QRICH1: variants seen among roughly 807,000 people sequenced by gnomAD.
The protein encoded by QRICH1 is glutamine rich 1.
Under a neutral mutation model 87.1 loss-of-function variants are expected in QRICH1, and 16 were observed. That is an observed-to-expected ratio of 0.18 (90% confidence interval 0.12 to 0.28). QRICH1 has a LOEUF of 0.28. QRICH1 is among the 10% of genes least tolerant of loss of function. The pLI, the probability that QRICH1 is intolerant of heterozygous loss-of-function variation, is 1.00. For synonymous variants in QRICH1, 367 were observed against 368.4 expected, an observed-to-expected ratio of 1.00 and a Z score of 0.05; for missense variants, 647 against 951.7, an observed-to-expected ratio of 0.68 and a Z score of 4.21.
chr3:49,038,375 T>C (rs2093288598), intron 6 of QRICH1, among the ~76,000 whole-genome samples: 1 of 151,956 alleles, frequency 6.6e-6, no homozygotes, highest in African/African-American at 2.4e-5. Flanking sequence ...AAAGGGTAGA[T>C]TTTAATTACA....
chr3:49,088,640 T>A (rs1193427902), intron 1 of QRICH1, among the ~76,000 whole-genome samples: 17 of 148,070 alleles, frequency 1.1e-4, no homozygotes, highest in South Asian at 2.2e-4. Flanking sequence ...TTTTTTTTTT[T>A]AATGAGACAA....
chr3:49,067,386 T>G (rs904528046), intron 2 of QRICH1, among the ~76,000 whole-genome samples: 5 of 149,300 alleles, frequency 3.3e-5, no homozygotes, highest in Non-Finnish European at 7.4e-5. Context: ...GCTAACATGG[T>G]GAAACCCCGT....
intron 1 of QRICH1, among the ~76,000 whole-genome samples, chr3:49,077,320 A>G (rs1163420154): frequency 6.6e-6 from 1 of 152,208 alleles, no homozygotes; most frequent in Non-Finnish European, 1.5e-5. Flanking sequence ...CCTACCCAGC[A>G]CTAGGTCAAT....
intron 2 of QRICH1, among the ~76,000 whole-genome samples, chr3:49,064,282 G>A (rs1336518089): frequency 7.8e-6 from 1 of 128,900 alleles, no homozygotes; most frequent in Non-Finnish European, 1.6e-5. Flanking sequence ...TCAGTCTATC[G>A]CCCAGGCTGG....
chr3:49,047,741 C>T (rs1178575924), intron 3 of QRICH1, among the ~76,000 whole-genome samples: 2 of 151,976 alleles, frequency 1.3e-5, no homozygotes, highest in South Asian at 2.1e-4. Context: ...CCTCAGTCTC[C>T]CAAAGTGCTG....
intron 1 of QRICH1, among the ~76,000 whole-genome samples, chr3:49,088,621 T>G (rs1368476141): frequency 6.9e-6 from 1 of 145,628 alleles, no homozygotes; most frequent in Non-Finnish European, 1.5e-5. Flanking sequence ...TTTGTCTGTT[T>G]TTTTTTTTTT....
chr3:49,042,581 T>A (rs1027280821), intron 6 of QRICH1, among the ~76,000 whole-genome samples: 7 of 145,888 alleles, frequency 4.8e-5, no homozygotes, highest in Non-Finnish European at 1.1e-4. Flanking sequence ...AAAAGGTTTG[T>A]TTTTTTTTTT....
chr3:49,069,547 T>TC (rs1029858683), intron 2 of QRICH1, among the ~76,000 whole-genome samples: 2 of 149,098 alleles, frequency 1.3e-5, no homozygotes, highest in Non-Finnish European at 3.0e-5. Context: ...GGGGGAATTT[T>TC]TTTTTTTTTT....
At chr3:49,083,033 C>A (rs2042093803) in intron 1 of QRICH1, among the ~76,000 whole-genome samples, 1 of 151,390 alleles carries the variant, frequency 6.6e-6, no homozygotes, top group Non-Finnish European at 1.5e-5. Flanking sequence ...ATGGAGAACC[C>A]CCGTCTCTAC....
intron 2 of QRICH1, among the ~76,000 whole-genome samples, chr3:49,075,204 C>T (rs544248613): frequency 6.6e-6 from 1 of 151,616 alleles, no homozygotes; most frequent in South Asian, 2.1e-4. Context: ...GTGGTACATG[C>T]CTGTGGTCCC....
chr3:49,054,142 G>A (rs1484423095), intron 3 of QRICH1, among the ~76,000 whole-genome samples: 3 of 152,034 alleles, frequency 2.0e-5, no homozygotes, highest in Non-Finnish European at 4.4e-5. Context: ...AAGAACACTG[G>A]CCCACTAAAA....
chr3:49,037,018 C>A (rs2093279232), intron 6 of QRICH1, among the ~76,000 whole-genome samples: 1 of 148,528 alleles, frequency 6.7e-6, no homozygotes, highest in Non-Finnish European at 1.5e-5. Flanking sequence ...CTACAGTGAG[C>A]CGTGTTCCCA....
At chr3:49,039,427 T>A (rs972468887) in intron 6 of QRICH1, among the ~76,000 whole-genome samples, 3 of 151,616 alleles carry the variant, frequency 2.0e-5, no homozygotes, top group Non-Finnish European at 4.4e-5. Flanking sequence ...ATGCCTGAAA[T>A]CCCAGCACTT....
chr3:49,060,014 A>C (rs2093425913), intron 2 of QRICH1, among the ~76,000 whole-genome samples: 1 of 151,068 alleles, frequency 6.6e-6, no homozygotes, highest in Non-Finnish European at 1.5e-5. Flanking sequence ...CCTCCCGAGT[A>C]GCTGGGACTA....
At chr3:49,083,633 C>A (rs1307265587) in intron 1 of QRICH1, 1 of 152,058 alleles carries the variant, frequency 6.6e-6, no homozygotes, top group Non-Finnish European at 1.5e-5. Context: ...CATGGTGGTT[C>A]TCGCCTGTAG....
intron 6 of QRICH1, among the ~76,000 whole-genome samples, chr3:49,040,147 T>C (rs2093301709): frequency 6.6e-6 from 1 of 152,230 alleles, no homozygotes; most frequent in East Asian, 1.9e-4. Flanking sequence ...TATTTATGTT[T>C]GAAACTTCCA....
intron 8 of QRICH1, 75 bp downstream of exon 8, chr3:49,032,547 G>A (rs1575318820): frequency 2.8e-6 from 4 of 1,454,100 alleles, no homozygotes; most frequent in East Asian, 4.6e-5. Context: ...CTTATCACTA[G>A]CCTCACAGGC....
In QRICH1 at chr3:49,037,489, T is replaced by C. The variant is rs369501953; in HGVS notation, c.1787-4261A>G. Among the ~76,000 whole-genome samples the C allele has an allele frequency of 6.6e-5, 10 of 152,236 alleles. No homozygotes were observed. In the East Asian group the frequency reaches 1.7e-3, roughly 26 times the overall value. ...GGCTCACACCTGTAACCTAGCACTT[T>C]GGGAGGCTGAGGCAGGTGGATTGCC... On this transcript the variant is annotated intron_variant, in intron 6 of 9. Transcript: ENST00000395443.
chr3:49,082,103 G>A (rs369525376), intron 1 of QRICH1, among the ~76,000 whole-genome samples: 108 of 152,088 alleles, frequency 7.1e-4, no homozygotes, highest in Middle Eastern at 3.4e-3. Context: ...CCCCATACCC[G>A]GCTAATTTTT....
Sources: allele counts gnomAD v4.1 joint callset (sites outside exome capture counted in the v4.1 genomes callset), GRCh38; gene constraint gnomAD v4.1.1; transcripts MANE v1.5; gene names NCBI Gene and HGNC (gene_info 2026-07-23, HGNC 2026-07-21).